Variants in CCDC14 observed in about 807,000 individuals in gnomAD.
CCDC14 encodes the protein coiled-coil domain-containing protein 14.
CCDC14 carries 71 observed loss-of-function variants against 81.4 expected under a neutral mutation model. That is an observed-to-expected ratio of 0.87 (90% CI 0.72 to 1.06). The LOEUF (loss-of-function observed/expected upper bound fraction) is 1.06. CCDC14 is among the 50% of genes least tolerant of loss of function. The pLI, the probability that CCDC14 is intolerant of heterozygous loss-of-function variation, is 0.00. For missense variants in CCDC14, 1,046 were observed against 1,047.3 expected (o/e 1.00, Z 0.02); for synonymous variants, 332 against 364.8 (o/e 0.91, Z 1.03).
chr3:123,946,674 C>A, intron 8 of CCDC14, 129 bp downstream of exon 8: 1 of 898,922 alleles, frequency 1.1e-6, no homozygotes. Context: ...AAGTAGAACT[C>A]ATTTTCTTAT....
chr3:123,939,191 C>A (rs991821922), intron 9 of CCDC14, among the ~76,000 whole-genome samples: 1 of 151,794 alleles, frequency 6.6e-6, no homozygotes, highest in African/African-American at 2.4e-5. Flanking sequence ...ATTCTCGGGG[C>A]ATACTTTCTT....
chr3:123,887,800 T>C, the CCDC14 span, among the ~76,000 whole-genome samples: 1 of 152,206 alleles, frequency 6.6e-6, no homozygotes, highest in African/African-American at 2.4e-5. Flanking sequence ...ATTAAAGTCT[T>C]AAATATTTGT....
intron 1 of CCDC14, among the ~76,000 whole-genome samples, chr3:123,960,929 A>T (rs1180862587): frequency 6.6e-6 from 1 of 152,164 alleles, no homozygotes; most frequent in Non-Finnish European, 1.5e-5. Flanking sequence ...GGCGCTCTAG[A>T]CTAGGGCTAC....
intron 9 of CCDC14, among the ~76,000 whole-genome samples, chr3:123,938,570 C>T (rs886387321): frequency 1.3e-5 from 2 of 151,838 alleles, no homozygotes; most frequent in Non-Finnish European, 2.9e-5. Flanking sequence ...TCTTTCCTTT[C>T]CAATGTGGCT....
At chr3:123,903,297 AAC>A (rs57466490) in intron 5 of CCDC14, among the ~76,000 whole-genome samples, 7,018 of 144,036 alleles carry the variant, frequency 0.049, 395 homozygotes, top group East Asian at 0.31. Context: ...TTATTTTTCA[AAC>A]ACACACACAC....
At position 123,914,574 on chromosome 3, in the gene CCDC14, C is replaced by T. The variant is rs1577216247; in HGVS notation, c.*205G>A. ...TAATTTCCTAGTTATCCACAACTTTCTTCTTGTAGCAATTGTGAACTTAAG... is the reference window on the plus strand; with the variant it reads ...TAATTTCCTAGTTATCCACAACTTTTTTCTTGTAGCAATTGTGAACTTAAG... On this transcript the variant is annotated 3_prime_UTR_variant, in exon 13 of 13. Transcript: ENST00000409697. The T allele has an allele frequency of 2.4e-6, 3 of 1,248,442 alleles. No individual in the cohort carries two copies. The highest frequency in any genetic ancestry group is 1.0e-6 in the Non-Finnish European group (1 of 996,372). 77.3% of individuals were successfully genotyped at this position (1,248,442 alleles called of 1,614,324 possible). A position where few individuals can be genotyped will look rare whatever the true frequency, so the allele number is the denominator to read the frequency against.
At chr3:123,950,409 A>T (rs1559802625) in intron 5 of CCDC14, among the ~76,000 whole-genome samples, 1 of 152,210 alleles carries the variant, frequency 6.6e-6, no homozygotes, top group Non-Finnish European at 1.5e-5. Flanking sequence ...GCAGAAATGG[A>T]TAAACTGTGG....
chr3:123,947,388 T>C, intron 7 of CCDC14, 69 bp from the exon 8 acceptor site: 1 of 1,049,030 alleles, frequency 9.5e-7, no homozygotes, highest in Non-Finnish European at 1.4e-6. Flanking sequence ...TACAACAAAC[T>C]CAAATATATG....
At chr3:123,922,503 A>C (rs78623101) in intron 12 of CCDC14, among the ~76,000 whole-genome samples, 2,138 of 152,238 alleles carry the variant, frequency 0.014, 46 homozygotes, top group African/African-American at 0.048. Context: ...AGAAGACTTA[A>C]ATGAATCAGA....
At chr3:123,953,994 C>T (rs1054761339) in intron 5 of CCDC14, 6 of 152,118 alleles carry the variant, frequency 3.9e-5, no homozygotes, top group Admixed American at 1.3e-4. Context: ...TGAGTGTTGC[C>T]ATCTGTTTCT....
At chr3:123,898,287 G>C (rs1206038397) in intron 5 of CCDC14, among the ~76,000 whole-genome samples, 1 of 152,252 alleles carries the variant, frequency 6.6e-6, no homozygotes. Flanking sequence ...AGCGCACATT[G>C]CAAAGCATAT....
chr3:123,922,758 A>G (rs1481447234), intron 12 of CCDC14, among the ~76,000 whole-genome samples: 1 of 152,188 alleles, frequency 6.6e-6, no homozygotes, highest in Non-Finnish European at 1.5e-5. Context: ...AGACAGCTTT[A>G]TAGCTGAATT....
intron 8 of CCDC14, among the ~76,000 whole-genome samples, chr3:123,946,303 G>C (rs1167177025): frequency 6.6e-6 from 1 of 151,692 alleles, no homozygotes; most frequent in African/African-American, 2.4e-5. Flanking sequence ...GAAACACCTT[G>C]ATTTAAGAAA....
chr3:123,931,918 G>A (rs557127851), intron 10 of CCDC14, among the ~76,000 whole-genome samples: 7 of 152,100 alleles, frequency 4.6e-5, no homozygotes, highest in Admixed American at 2.0e-4. Context: ...GGTATCTTTC[G>A]TGAAAACACT....
intron 5 of CCDC14, chr3:123,954,667 T>C (rs2037223091): frequency 6.6e-6 from 1 of 152,168 alleles, no homozygotes; most frequent in South Asian, 2.1e-4. Flanking sequence ...ATCTAGATGC[T>C]AAATTCTCAT....
At chr3:123,901,898 A>C (rs2148759136) in intron 5 of CCDC14, among the ~76,000 whole-genome samples, 1 of 152,334 alleles carries the variant, frequency 6.6e-6, no homozygotes, top group African/African-American at 2.4e-5. Flanking sequence ...AAGGCCCAAC[A>C]AACATATGAA....
intron 12 of CCDC14, among the ~76,000 whole-genome samples, chr3:123,915,998 T>C (rs868025999): frequency 8.6e-6 from 1 of 116,790 alleles, no homozygotes; most frequent in East Asian, 6.0e-4. Flanking sequence ...GTTTTACTCT[T>C]TTTTTTTTTT....
intron 5 of CCDC14, among the ~76,000 whole-genome samples, chr3:123,899,593 A>G (rs1037873569): frequency 3.3e-5 from 5 of 151,998 alleles, no homozygotes; most frequent in Non-Finnish European, 7.4e-5. Flanking sequence ...GGGATTTCCT[A>G]CCTATGCAGA....
intron 5 of CCDC14, chr3:123,949,689 T>TTTAGTTAC (rs1292909910): frequency 6.5e-6 from 1 of 153,508 alleles, no homozygotes; most frequent in African/African-American, 2.4e-5. Context: ...GGCAGGCCAA[T>TTTAGTTAC]TTAGTTACCC....
Sources: gnomAD v4.1 joint callset for allele counts (sites outside exome capture counted in the v4.1 genomes callset) on GRCh38, gnomAD v4.1.1 for gene constraint, MANE v1.5 for transcripts, NCBI Gene and HGNC (gene_info 2026-07-23, HGNC 2026-07-21) for gene names.